Variants in ASCC3 observed in about 807,000 individuals in gnomAD.
ASCC3 encodes the protein ASC-1 complex subunit P200.
A neutral mutation model predicts 256.3 loss-of-function variants in ASCC3; 158 were observed. The ratio of observed to expected loss-of-function variants is 0.62; its 90% CI spans 0.54 to 0.70. ASCC3 has a LOEUF of 0.70. ASCC3 is among the 30% of genes least tolerant of loss of function. ASCC3 has a pLI of 0.00. For synonymous variants in ASCC3, 948 were observed against 883.4 expected, an observed-to-expected ratio of 1.07 and a Z score of -1.30; for missense variants, 2,259 against 2,626.0, an observed-to-expected ratio of 0.86 and a Z score of 3.05.
chr6:100,698,871 G>GC (rs561809787), intron 13 of ASCC3, among the ~76,000 whole-genome samples: 189 of 151,932 alleles, frequency 1.2e-3, no homozygotes, highest in African/African-American at 4.4e-3. Flanking sequence ...AAGTTGTTTT[G>GC]CCCCCCTGAT....
chr6:100,694,362 A>C (rs571786751), intron 13 of ASCC3, among the ~76,000 whole-genome samples: 1 of 151,686 alleles, frequency 6.6e-6, no homozygotes, highest in South Asian at 2.1e-4. Context: ...AGTCCCAGCT[A>C]CTTGGGAGGC....
chr6:100,805,753 T>G lies in ASCC3; in HGVS notation c.922+7A>C. Reference sequence around the variant, plus strand: ...TAAATTACAATGACCACTGCATACTTTCTTACCTTGAAGAGCCTGAAACCT... The same window carrying G: ...TAAATTACAATGACCACTGCATACTGTCTTACCTTGAAGAGCCTGAAACCT... On this transcript the variant is annotated splice_region_variant and intron_variant, in intron 5 of 41. Transcript: ENST00000369162. 6.2e-7 allele frequency: 1 copy of G among 1,609,938 alleles called. No individual in the cohort carries two copies. The highest frequency in any genetic ancestry group is 8.5e-7 in the Non-Finnish European group (1 of 1,178,088).
intron 30 of ASCC3, among the ~76,000 whole-genome samples, chr6:100,611,230 G>A (rs577038157): frequency 6.6e-6 from 1 of 152,212 alleles, no homozygotes; most frequent in Non-Finnish European, 1.5e-5. Flanking sequence ...TCCTCATGAA[G>A]ACAATCGCAC....
chr6:100,593,156 A>G (rs1303866224), intron 34 of ASCC3, among the ~76,000 whole-genome samples: 1 of 152,096 alleles, frequency 6.6e-6, no homozygotes, highest in Non-Finnish European at 1.5e-5. Context: ...AATGATTCTA[A>G]TAGCCAGAAG....
intron 20 of ASCC3, among the ~76,000 whole-genome samples, chr6:100,648,285 C>T (rs987764153): frequency 7.9e-5 from 12 of 152,256 alleles, no homozygotes; most frequent in Middle Eastern, 3.4e-3. Flanking sequence ...CTCCACTCCT[C>T]TATCATTAAC....
intron 1 of ASCC3, among the ~76,000 whole-genome samples, chr6:100,873,493 G>A (rs183643159): frequency 5.3e-4 from 81 of 152,256 alleles, no homozygotes; most frequent in Admixed American, 1.1e-3. Flanking sequence ...CCTTGCTAGA[G>A]ACCTAGACAA....
chr6:100,687,067 C>CACACACACACACACAA (rs1324795989), intron 13 of ASCC3, among the ~76,000 whole-genome samples: 1 of 149,248 alleles, frequency 6.7e-6, no homozygotes, highest in South Asian at 2.1e-4. Flanking sequence ...CACACACACA[C>CACACACACACACACAA]AGACCTGATC....
chr6:100,751,672 G>T (rs1206188191), intron 10 of ASCC3, among the ~76,000 whole-genome samples: 1 of 152,004 alleles, frequency 6.6e-6, no homozygotes, highest in Non-Finnish European at 1.5e-5. Flanking sequence ...GCTCAAGACC[G>T]CATTGTAAAC....
intron 25 of ASCC3, among the ~76,000 whole-genome samples, chr6:100,634,789 G>A (rs1774746317): frequency 6.6e-6 from 1 of 151,172 alleles, no homozygotes; most frequent in Non-Finnish European, 1.5e-5. Flanking sequence ...AGGAGGCTGA[G>A]GCAGGAGGAT....
chr6:100,661,677 T>C (rs2114931569), intron 16 of ASCC3, 129 bp downstream of exon 16: 1 of 880,416 alleles, frequency 1.1e-6, no homozygotes, highest in Admixed American at 1.9e-5. Context: ...CCCTGTTTTG[T>C]CTTATAACTT....
intron 34 of ASCC3, among the ~76,000 whole-genome samples, chr6:100,600,213 A>G (rs1054945068): frequency 2.0e-5 from 3 of 147,440 alleles, no homozygotes; most frequent in African/African-American, 4.9e-5. Flanking sequence ...ATGCACACAC[A>G]CACACACACA....
At chr6:100,668,595 A>G (rs1355917635) in intron 14 of ASCC3, among the ~76,000 whole-genome samples, 2 of 151,984 alleles carry the variant, frequency 1.3e-5, no homozygotes, top group South Asian at 2.1e-4. Context: ...AATGGCACTG[A>G]TATTAAAACC....
chr6:100,606,964 T>A lies in ASCC3; in HGVS notation c.4910A>T (p.Asn1637Ile). The change falls in exon 31 of 42, where the codon AAC becomes ATC. Residue 1637 changes from asparagine to isoleucine, a missense_variant. Transcript: ENST00000369162. ...DRKTVEELFV[N>I]CKVQVLIATS... ...AAAAAAAAGTACCTGAACTTTACAG[T>A]TTACAAATAGTTCCTCTACTGTTTT... is the stretch of plus-strand genomic sequence containing the variant. 1 of 1,613,546 alleles carries A rather than the reference T, an allele frequency of 6.2e-7. No individual in the cohort carries two copies. Among genetic ancestry groups the A allele is most frequent in the Non-Finnish European group, 8.5e-7 (1 of 1,179,724 alleles).
At chr6:100,519,887 T>C (rs946638721) in intron 37 of ASCC3, among the ~76,000 whole-genome samples, 1 of 152,146 alleles carries the variant, frequency 6.6e-6, no homozygotes, top group Non-Finnish European at 1.5e-5. Context: ...TCACTACTTA[T>C]ATGAAATAAA....
Position 100,620,471 on chromosome 6 carries a change from C to T in ASCC3, c.4785+4721G>A, listed in dbSNP as rs75941116. On this transcript the variant is annotated intron_variant, in intron 30 of 41. Coordinates refer to ENST00000369162, the MANE Select transcript of ASCC3 (RefSeq NM_006828.4). ...GAAGATAGATGAATAACTCTTTTTG[C>T]CTTTGCCAATAAATTAATGAGAACA... Among the ~76,000 whole-genome samples the T allele has an allele frequency of 5.7e-4, 86 of 152,110 alleles. 1 individual carries two copies. Among genetic ancestry groups the T allele is most frequent in the African/African-American group, 2.0e-3 (81 of 41,508 alleles).
At position 100,540,511 on chromosome 6, in the gene ASCC3, T is replaced by C. The variant is rs1775404210; in HGVS notation, c.5551-124A>G. 9 of 832,728 alleles carry C rather than the reference T, an allele frequency of 1.1e-5. No individual in the cohort carries two copies. In the South Asian group the frequency reaches 1.4e-4, roughly 13 times the overall value. The allele number at this position is 832,728 out of a possible 1,614,324, so 51.6% of individuals were successfully genotyped here. A position where few individuals can be genotyped will look rare whatever the true frequency, so the allele number is the denominator to read the frequency against. On this transcript the variant is annotated intron_variant, in intron 36 of 41. Coordinates refer to ENST00000369162, the MANE Select transcript of ASCC3 (RefSeq NM_006828.4). ...TACAATAACCATATCCCTTAGAATT[T>C]TGCTTGTTCAATATTATCATTAATA...
At chr6:100,595,511 T>C (rs1446106513) in intron 34 of ASCC3, among the ~76,000 whole-genome samples, 6 of 152,186 alleles carry the variant, frequency 3.9e-5, no homozygotes, top group African/African-American at 1.4e-4. Context: ...TGAAGGTTTA[T>C]ATATTAAAAC....
intron 13 of ASCC3, among the ~76,000 whole-genome samples, chr6:100,694,814 C>T (rs1778007174): frequency 6.6e-6 from 1 of 151,930 alleles, no homozygotes; most frequent in Admixed American, 6.6e-5. Context: ...GGAAGCTATT[C>T]CATACATATA....
intron 13 of ASCC3, among the ~76,000 whole-genome samples, chr6:100,694,391 G>A (rs1384847588): frequency 6.6e-6 from 1 of 151,844 alleles, no homozygotes; most frequent in Non-Finnish European, 1.5e-5. Flanking sequence ...GAAGTGGCTT[G>A]AAGCCCAGGA....
Sources: allele counts gnomAD v4.1 joint callset (sites outside exome capture counted in the v4.1 genomes callset), GRCh38; gene constraint gnomAD v4.1.1; transcripts MANE v1.5; gene names NCBI Gene and HGNC (gene_info 2026-07-23, HGNC 2026-07-21).